DLGAP2: variants seen among roughly 807,000 people sequenced by gnomAD.
DLGAP2 encodes DLG associated protein 2.
DLGAP2 carries 26 observed loss-of-function variants against 100.3 expected under a neutral mutation model. The ratio of observed to expected loss-of-function variants is 0.26; its 90% CI spans 0.19 to 0.36. DLGAP2 has a LOEUF of 0.36. DLGAP2 is among the 10% of genes least tolerant of loss of function. DLGAP2 has a pLI of 1.00. For missense variants in DLGAP2, 1,858 were observed against 1,453.2 expected (o/e 1.28, Z -4.53); for synonymous variants, 886 against 630.1 (o/e 1.41, Z -6.08).
At chr8:1,131,080 T>C (rs1243795572) in intron 2 of DLGAP2, among the ~76,000 whole-genome samples, 1 of 152,186 alleles carries the variant, frequency 6.6e-6, no homozygotes, top group Non-Finnish European at 1.5e-5. Flanking sequence ...AACATGTTTG[T>C]TTTTTAATGT....
chr8:883,397 G>GT (rs1256292895), intron 1 of DLGAP2: 1 of 151,938 alleles, frequency 6.6e-6, no homozygotes, highest in Non-Finnish European at 1.5e-5. Flanking sequence ...AGCTTATCTT[G>GT]TTTTGATTCC....
chr8:1,086,500 C>G (rs1351559019), intron 2 of DLGAP2, among the ~76,000 whole-genome samples: 1 of 151,934 alleles, frequency 6.6e-6, no homozygotes, highest in African/African-American at 2.4e-5. Flanking sequence ...AAGATAAGAC[C>G]CAACTATATG....
rs139703698 is a variant in DLGAP2, at chr8:835,423, CCT to C, written c.19-72488_19-72487del. On this transcript the variant is annotated intron_variant, in intron 1 of 14. Transcript: ENST00000637795. ...TGACGACATCGCTCCCAGGCCAGGC[CCT>C]GTTTTAGATTCCCCACTGTGCTCCA... 2.9e-3 allele frequency among the ~76,000 whole-genome samples: 438 copies of C among 152,006 alleles called. 2 individuals carry two copies. The highest frequency in any genetic ancestry group is 0.01 in the African/African-American group (423 of 41,436).
chr8:1,233,586 G>A (rs1284595613), intron 2 of DLGAP2, among the ~76,000 whole-genome samples: 1 of 152,190 alleles, frequency 6.6e-6, no homozygotes, highest in Non-Finnish European at 1.5e-5. Context: ...TGCAAGGGGC[G>A]AAGATGGAAC....
chr8:1,254,524 G>T (rs1277478397), intron 2 of DLGAP2, among the ~76,000 whole-genome samples: 2 of 152,300 alleles, frequency 1.3e-5, no homozygotes, highest in Middle Eastern at 6.8e-3. Context: ...AACTTACCGT[G>T]GGGCGCGATC....
chr8:1,418,875 A>T (rs1174653825), intron 3 of DLGAP2, among the ~76,000 whole-genome samples: 1 of 152,208 alleles, frequency 6.6e-6, no homozygotes, highest in East Asian at 1.9e-4. Context: ...CTGGCTAGAG[A>T]TCATGGGTTC....
intron 12 of DLGAP2, among the ~76,000 whole-genome samples, chr8:1,689,074 C>A (rs957677770): frequency 3.9e-5 from 6 of 152,150 alleles, no homozygotes; most frequent in Non-Finnish European, 8.8e-5. Flanking sequence ...GTCTCTAGGA[C>A]TGACTGTTAA....
At chr8:885,649 C>T (rs530675313) in intron 1 of DLGAP2, among the ~76,000 whole-genome samples, 16 of 152,312 alleles carry the variant, frequency 1.1e-4, no homozygotes, top group East Asian at 9.6e-4. Context: ...GACAGAACTT[C>T]TAATACTATT....
intron 2 of DLGAP2, among the ~76,000 whole-genome samples, chr8:1,081,618 A>C (rs890888294): frequency 1.3e-5 from 2 of 152,164 alleles, no homozygotes; most frequent in African/African-American, 4.8e-5. Flanking sequence ...CCCAAAGTGC[A>C]TGGATTACAG....
Position 1,670,493 on chromosome 8 carries a change from C to T in DLGAP2, c.2202+709C>T, listed in dbSNP as rs544979948. On this transcript the variant is annotated intron_variant, in intron 10 of 14. Coordinates refer to ENST00000637795, the MANE Select transcript of DLGAP2 (RefSeq NM_001346810.2). ...CCTCTCTGGACCCCAGCCCCACACA[C>T]TGTGTCCTGTGAGAGGGAACTGCAC... Among the ~76,000 whole-genome samples, 9 of 152,382 alleles carry T rather than the reference C, an allele frequency of 5.9e-5. 1 individual carries two copies. In the South Asian group the frequency reaches 8.3e-4, roughly 14 times the overall value.
At chr8:978,788 A>G (rs1341076975) in intron 2 of DLGAP2, among the ~76,000 whole-genome samples, 1 of 152,172 alleles carries the variant, frequency 6.6e-6, no homozygotes, top group Non-Finnish European at 1.5e-5. Context: ...AAGTGAATGA[A>G]GACTTTTCAA....
chr8:1,487,219 T>C (rs1463299162), intron 3 of DLGAP2, among the ~76,000 whole-genome samples: 1 of 152,244 alleles, frequency 6.6e-6, no homozygotes, highest in Non-Finnish European at 1.5e-5. Flanking sequence ...ACCAGTTTCA[T>C]CTGTCATTTT....
At chr8:951,883 G>T (rs747557621) in intron 2 of DLGAP2, among the ~76,000 whole-genome samples, 25 of 152,160 alleles carry the variant, frequency 1.6e-4, no homozygotes, top group Non-Finnish European at 3.1e-4. Context: ...TCATTTCAAG[G>T]CCCTGGTAGA....
chr8:1,451,582 C>G (rs942235654), intron 3 of DLGAP2, among the ~76,000 whole-genome samples: 2 of 152,132 alleles, frequency 1.3e-5, no homozygotes, highest in African/African-American at 4.8e-5. Context: ...TCCGAGGTAC[C>G]TGTTCCGCCT....
chr8:875,414 G>A (rs529360856), intron 1 of DLGAP2, among the ~76,000 whole-genome samples: 24 of 152,230 alleles, frequency 1.6e-4, no homozygotes, highest in African/African-American at 2.4e-4. Flanking sequence ...GAATCATGGC[G>A]GCAGTTTCCT....
At chr8:1,641,855 T>G (rs1425167930) in intron 8 of DLGAP2, among the ~76,000 whole-genome samples, 1 of 151,280 alleles carries the variant, frequency 6.6e-6, no homozygotes, top group Non-Finnish European at 1.5e-5. Flanking sequence ...TACTGTTGAA[T>G]CTGCCTCCCA....
intron 1 of DLGAP2, among the ~76,000 whole-genome samples, chr8:875,437 C>T (rs759590512): frequency 6.6e-6 from 1 of 152,104 alleles, no homozygotes. Flanking sequence ...ATGCTATTCT[C>T]GTGATAGTAA....
At chr8:1,167,478 A>G (rs537720602) in intron 2 of DLGAP2, among the ~76,000 whole-genome samples, 2 of 152,294 alleles carry the variant, frequency 1.3e-5, no homozygotes, top group African/African-American at 4.8e-5. Context: ...TGTCAAACCC[A>G]TGGTGTTTCT....
intron 3 of DLGAP2, among the ~76,000 whole-genome samples, chr8:1,496,358 C>G (rs1431319228): frequency 6.6e-6 from 1 of 152,130 alleles, no homozygotes; most frequent in Non-Finnish European, 1.5e-5. Flanking sequence ...CTGTCTGCGC[C>G]TCTGTCCTCT....
Sources: gnomAD v4.1 joint callset for allele counts (sites outside exome capture counted in the v4.1 genomes callset) on GRCh38, gnomAD v4.1.1 for gene constraint, MANE v1.5 for transcripts, NCBI Gene and HGNC (gene_info 2026-07-23, HGNC 2026-07-21) for gene names.